Variants in EDIL3 observed in about 807,000 individuals in gnomAD.
The protein encoded by EDIL3 is EGF like and discoidin domains 3, also known as EGF-like repeat and discoidin I-like domain-containing protein 3.
In EDIL3, 37 loss-of-function variants were observed where a neutral mutation model predicts 67.4. The ratio of observed to expected loss-of-function variants is 0.55; its 90% CI spans 0.42 to 0.72. The LOEUF is 0.72. EDIL3 is among the 30% of genes least tolerant of loss of function. The pLI is 0.00. For synonymous variants in EDIL3, 195 were observed against 196.3 expected (o/e 0.99, Z 0.05); for missense variants, 527 against 586.3 (o/e 0.90, Z 1.04).
At chr5:84,036,439 T>C (rs2269280) in intron 9 of EDIL3, among the ~76,000 whole-genome samples, 57,853 of 152,090 alleles carry the variant, frequency 0.38, 12,584 homozygotes, top group African/African-American at 0.61. Context: ...AATAAGAAAA[T>C]TGTGCTCCAG....
At chr5:84,142,084 C>T (rs1483715249) in intron 4 of EDIL3, among the ~76,000 whole-genome samples, 1 of 151,236 alleles carries the variant, frequency 6.6e-6, no homozygotes, top group Non-Finnish European at 1.5e-5. Context: ...TCTTCTTTGT[C>T]CTGGATCTTT....
At chr5:84,005,468 G>A (rs961375648) in intron 9 of EDIL3, among the ~76,000 whole-genome samples, 4 of 152,058 alleles carry the variant, frequency 2.6e-5, no homozygotes, top group Admixed American at 6.5e-5. Flanking sequence ...ATTTAAAAGC[G>A]AATCCTTCAC....
At chr5:84,038,000 T>TGTTTG (rs1561411123) in intron 9 of EDIL3, among the ~76,000 whole-genome samples, 76 of 142,974 alleles carry the variant, frequency 5.3e-4, no homozygotes, top group African/African-American at 2.1e-3. Context: ...TTTTTTTTTT[T>TGTTTG]TTTTTTTTTT....
chr5:84,117,278 C>A (rs1215264541), intron 5 of EDIL3, among the ~76,000 whole-genome samples: 1 of 151,948 alleles, frequency 6.6e-6, no homozygotes, highest in Non-Finnish European at 1.5e-5. Context: ...GATCCACCCG[C>A]CTTGGCCTCC....
At chr5:84,034,987 T>A (rs1745993791) in intron 9 of EDIL3, among the ~76,000 whole-genome samples, 2 of 152,190 alleles carry the variant, frequency 1.3e-5, no homozygotes, top group Non-Finnish European at 2.9e-5. Flanking sequence ...TTATCTTAAA[T>A]AAATTTTTCT....
chr5:84,081,935 G>C (rs912438783), intron 6 of EDIL3, among the ~76,000 whole-genome samples: 1 of 152,192 alleles, frequency 6.6e-6, no homozygotes, highest in African/African-American at 2.4e-5. Context: ...ATCACACTGA[G>C]TGGATTTCAA....
intron 1 of EDIL3, among the ~76,000 whole-genome samples, chr5:84,258,202 A>G (rs1745157515): frequency 6.6e-6 from 1 of 152,238 alleles, no homozygotes; most frequent in Non-Finnish European, 1.5e-5. Flanking sequence ...AGGAGATGCT[A>G]AGATGAAGTT....
chr5:84,223,579 T>G (rs1744391603), intron 3 of EDIL3, among the ~76,000 whole-genome samples: 1 of 151,620 alleles, frequency 6.6e-6, no homozygotes, highest in Non-Finnish European at 1.5e-5. Context: ...CAATAAAATT[T>G]GAATACATAG....
Position 83,951,534 on chromosome 5 carries a change from A to C in EDIL3, c.1294-7966T>G, listed in dbSNP as rs538161303. Reference sequence around the variant, plus strand: ...GAAAATGCACAAATGAAAGATTCCAATAATAATTGGCCAAAACATAGGCAA... The same window carrying C: ...GAAAATGCACAAATGAAAGATTCCACTAATAATTGGCCAAAACATAGGCAA... On this transcript the variant is annotated intron_variant, in intron 10 of 10. Transcript: ENST00000296591. Among the ~76,000 whole-genome samples the C allele has an allele frequency of 2.6e-5, 4 of 151,754 alleles. No individual in the cohort carries two copies. The South Asian group carries it at 8.3e-4, about 32-fold the overall frequency.
intron 9 of EDIL3, among the ~76,000 whole-genome samples, chr5:84,041,020 A>G (rs1463385003): frequency 6.6e-6 from 1 of 152,062 alleles, no homozygotes; most frequent in African/African-American, 2.4e-5. Flanking sequence ...GGCCCCAGCT[A>G]CCTGGGAGTC....
At chr5:84,132,420 TATA>T (rs1747996877) in intron 5 of EDIL3, among the ~76,000 whole-genome samples, 2 of 114,434 alleles carry the variant, frequency 1.7e-5, no homozygotes, top group African/African-American at 7.3e-5. Context: ...ACATATATTA[TATA>T]TTTTATATAT....
chr5:84,361,493 C>T (rs1477459825), intron 1 of EDIL3, among the ~76,000 whole-genome samples: 1 of 152,068 alleles, frequency 6.6e-6, no homozygotes, highest in East Asian at 1.9e-4. Context: ...ATCATAGGTA[C>T]TCTAATTTTT....
chr5:84,175,599 T>G (rs1748888520), intron 4 of EDIL3, among the ~76,000 whole-genome samples: 1 of 152,184 alleles, frequency 6.6e-6, no homozygotes, highest in Admixed American at 6.5e-5. Context: ...CAGTGCTTGT[T>G]GAAGTGAACT....
At chr5:84,362,573 G>A (rs1015897059) in intron 1 of EDIL3, among the ~76,000 whole-genome samples, 6 of 152,038 alleles carry the variant, frequency 3.9e-5, no homozygotes, top group Non-Finnish European at 8.8e-5. Flanking sequence ...ACAAACCTGA[G>A]AAGTCCCTGT....
intron 9 of EDIL3, among the ~76,000 whole-genome samples, chr5:83,971,284 T>C (rs1744787568): frequency 6.6e-6 from 1 of 151,412 alleles, no homozygotes; most frequent in Non-Finnish European, 1.5e-5. Context: ...TTTTCTTTTT[T>C]TTTTTTTTAA....
chr5:84,218,510 C>T (rs1013024643), intron 3 of EDIL3, among the ~76,000 whole-genome samples: 1 of 152,148 alleles, frequency 6.6e-6, no homozygotes, highest in Non-Finnish European at 1.5e-5. Context: ...AACACCAGAC[C>T]GAACAACTAT....
At chr5:84,335,352 C>G (rs563710968) in intron 1 of EDIL3, among the ~76,000 whole-genome samples, 2 of 152,296 alleles carry the variant, frequency 1.3e-5, no homozygotes, top group South Asian at 4.1e-4. Context: ...TCTTCCTGCT[C>G]TCTTATCACT....
chr5:83,985,471 T>A (rs1745043356), intron 9 of EDIL3, among the ~76,000 whole-genome samples: 1 of 152,096 alleles, frequency 6.6e-6, no homozygotes, highest in South Asian at 2.1e-4. Flanking sequence ...TGAATTGTGG[T>A]GTCTGTATGT....
chr5:84,331,171 G>A (rs1746863300), intron 1 of EDIL3, among the ~76,000 whole-genome samples: 1 of 152,224 alleles, frequency 6.6e-6, no homozygotes, highest in South Asian at 2.1e-4. Context: ...CTCATAGGTG[G>A]AAGGGACTTG....
Sources: allele counts gnomAD v4.1 joint callset (sites outside exome capture counted in the v4.1 genomes callset), GRCh38; gene constraint gnomAD v4.1.1; transcripts MANE v1.5; gene names NCBI Gene and HGNC (gene_info 2026-07-23, HGNC 2026-07-21).